Variants in SERPINI1 observed in about 807,000 individuals in gnomAD.
SERPINI1 encodes serpin family I member 1.
In SERPINI1, 19 loss-of-function variants were observed where a neutral mutation model predicts 41.1. That is an observed-to-expected ratio of 0.46 (90% confidence interval 0.32 to 0.68). SERPINI1 has a LOEUF of 0.68. SERPINI1 is among the 30% of genes least tolerant of loss of function. The pLI is 0.03. For synonymous variants in SERPINI1, 138 were observed against 156.6 expected (o/e 0.88, Z 0.89); for missense variants, 460 against 479.2 (o/e 0.96, Z 0.37).
intron 1 of SERPINI1, among the ~76,000 whole-genome samples, chr3:167,779,996 T>C (rs969176843): frequency 6.6e-6 from 1 of 152,144 alleles, no homozygotes; most frequent in Non-Finnish European, 1.5e-5. Flanking sequence ...TTTCACAGGT[T>C]CTGGCCCATT....
intron 5 of SERPINI1, among the ~76,000 whole-genome samples, chr3:167,799,445 A>T (rs994310920): frequency 2.0e-5 from 3 of 152,140 alleles, no homozygotes; most frequent in African/African-American, 7.2e-5. Context: ...TCTATCACTG[A>T]TGGACATTTG....
intron 1 of SERPINI1, among the ~76,000 whole-genome samples, chr3:167,758,951 CTT>C (rs1726281507): frequency 6.6e-6 from 1 of 152,082 alleles, no homozygotes. Flanking sequence ...ATAACACTCT[CTT>C]ATATTTGAGT....
intron 1 of SERPINI1, among the ~76,000 whole-genome samples, chr3:167,768,550 C>G (rs1161064154): frequency 6.6e-6 from 1 of 152,190 alleles, no homozygotes; most frequent in Non-Finnish European, 1.5e-5. Flanking sequence ...AAAAGCACAT[C>G]AGTGATCATG....
chr3:167,763,228 G>GA (rs898215151), intron 1 of SERPINI1, among the ~76,000 whole-genome samples: 1 of 151,990 alleles, frequency 6.6e-6, no homozygotes, highest in East Asian at 1.9e-4. Context: ...AATAATGCTA[G>GA]AAAAAAAAGA....
At chr3:167,736,469 A>G (rs897182378) in intron 1 of SERPINI1, among the ~76,000 whole-genome samples, 3 of 152,224 alleles carry the variant, frequency 2.0e-5, no homozygotes, top group African/African-American at 7.2e-5. Context: ...GCTCTGGAAT[A>G]TTGGAACAAA....
At chr3:167,812,330 GT>G (rs1711920774) in intron 6 of SERPINI1, among the ~76,000 whole-genome samples, 1 of 152,140 alleles carries the variant, frequency 6.6e-6, no homozygotes, top group Non-Finnish European at 1.5e-5. Flanking sequence ...CTTCACTCTG[GT>G]TGATTCCATA....
intron 1 of SERPINI1, among the ~76,000 whole-genome samples, chr3:167,773,805 A>T (rs1011618871): frequency 2.0e-5 from 3 of 152,212 alleles, no homozygotes; most frequent in African/African-American, 7.2e-5. Context: ...AGCTTTAAAA[A>T]ACAAAACAGT....
At chr3:167,814,391 G>T (rs1711998636) in intron 6 of SERPINI1, among the ~76,000 whole-genome samples, 1 of 152,202 alleles carries the variant, frequency 6.6e-6, no homozygotes, top group Non-Finnish European at 1.5e-5. Flanking sequence ...TATCGTAAGA[G>T]AACTCAAATT....
At chr3:167,759,926 T>C (rs2108539481) in intron 1 of SERPINI1, among the ~76,000 whole-genome samples, 1 of 152,308 alleles carries the variant, frequency 6.6e-6, no homozygotes, top group Admixed American at 6.5e-5. Context: ...TTCTGTAGCA[T>C]TCCAAGAGAC....
At chr3:167,819,939 G>C (rs779018274) in intron 6 of SERPINI1, among the ~76,000 whole-genome samples, 2 of 152,160 alleles carry the variant, frequency 1.3e-5, no homozygotes, top group Non-Finnish European at 2.9e-5. Flanking sequence ...AAATGTATTT[G>C]AGGCATCTTT....
At chr3:167,788,786 C>G (rs1476910033) in intron 1 of SERPINI1, among the ~76,000 whole-genome samples, 2 of 152,142 alleles carry the variant, frequency 1.3e-5, no homozygotes, top group African/African-American at 2.4e-5. Flanking sequence ...TGTCCTAGAC[C>G]TATGTAGTTT....
chr3:167,807,232 T>C lies in SERPINI1; in HGVS notation c.882-12T>C, dbSNP rs760247961. 9.0e-6 allele frequency: 14 copies of C among 1,562,984 alleles called. No individual in the cohort carries two copies. The South Asian group carries it at 1.4e-4, about 16-fold the overall frequency. ...CTCTAACTAAATATTTTTCTCCCTA[T>C]GTGTTCTCCAGGTTCACAGTGGAAC... On this transcript the variant is annotated splice_polypyrimidine_tract_variant and intron_variant, in intron 5 of 8. Coordinates refer to ENST00000446050, the MANE Select transcript of SERPINI1 (RefSeq NM_001122752.2).
intron 1 of SERPINI1, among the ~76,000 whole-genome samples, chr3:167,747,557 T>C (rs1023717778): frequency 3.3e-5 from 5 of 152,140 alleles, no homozygotes; most frequent in African/African-American, 9.7e-5. Flanking sequence ...GGCAGGAGAA[T>C]GGCGTGAACC....
intron 5 of SERPINI1, among the ~76,000 whole-genome samples, chr3:167,796,480 G>A (rs1401167231): frequency 3.9e-5 from 6 of 151,946 alleles, no homozygotes; most frequent in African/African-American, 1.4e-4. Flanking sequence ...CCTTGCATGC[G>A]TTAGCTATTT....
chr3:167,774,478 C>A (rs1294299175), intron 1 of SERPINI1, among the ~76,000 whole-genome samples: 1 of 152,094 alleles, frequency 6.6e-6, no homozygotes, highest in Non-Finnish European at 1.5e-5. Context: ...TAGGGATGTT[C>A]TCAAACCTCA....
chr3:167,819,666 A>G (rs1712243349), intron 6 of SERPINI1, among the ~76,000 whole-genome samples: 1 of 152,216 alleles, frequency 6.6e-6, no homozygotes, highest in Non-Finnish European at 1.5e-5. Context: ...TAACAGATGT[A>G]CCAAAATGTT....
At chr3:167,806,498 A>G (rs1711644042) in intron 5 of SERPINI1, among the ~76,000 whole-genome samples, 1 of 152,150 alleles carries the variant, frequency 6.6e-6, no homozygotes, top group Non-Finnish European at 1.5e-5. Context: ...TAAAAAAAAA[A>G]TTCTTCAGTG....
At chr3:167,772,094 A>G (rs959658677) in intron 1 of SERPINI1, among the ~76,000 whole-genome samples, 2 of 152,222 alleles carry the variant, frequency 1.3e-5, no homozygotes, top group Non-Finnish European at 2.9e-5. Flanking sequence ...CAGTTTCTTA[A>G]TCTACAAATG....
chr3:167,810,384 T>C (rs1425169138), intron 6 of SERPINI1, among the ~76,000 whole-genome samples: 1 of 152,154 alleles, frequency 6.6e-6, no homozygotes, highest in Non-Finnish European at 1.5e-5. Flanking sequence ...ATATTACAGG[T>C]TTGGCTCTAT....
Sources: allele counts gnomAD v4.1 joint callset (sites outside exome capture counted in the v4.1 genomes callset), GRCh38; gene constraint gnomAD v4.1.1; transcripts MANE v1.5; gene names NCBI Gene and HGNC (gene_info 2026-07-23, HGNC 2026-07-21).